DYNC2H1: variants seen among roughly 807,000 people sequenced by gnomAD.
DYNC2H1 encodes cytoplasmic dynein 2 heavy chain 1.
Under a neutral mutation model 570.0 loss-of-function variants are expected in DYNC2H1, and 410 were observed. The observed-to-expected ratio is 0.72, with a 90% CI of 0.66 to 0.78. DYNC2H1 has a LOEUF of 0.78. Ranked by LOEUF, DYNC2H1 falls within the 30% of genes least tolerant of loss-of-function variation. The pLI, the probability that DYNC2H1 is intolerant of heterozygous loss-of-function variation, is 0.00. For synonymous variants in DYNC2H1, 1,688 were observed against 1,677.6 expected, an observed-to-expected ratio of 1.01 and a Z score of -0.15; for missense variants, 4,865 against 5,046.4, an observed-to-expected ratio of 0.96 and a Z score of 1.09.
rs1339583005 is a variant in DYNC2H1, at chr11:103,245,317, A to G, written c.9985A>G (p.Met3329Val). ...RFGKTLIIQEMDGVEPVLYPL... is the reference protein window; with the variant it reads ...RFGKTLIIQEVDGVEPVLYPL... ...TGGGAAAACCCTTATTATACAAGAG[A>G]TGGATGGTGTAGAACCTGTTCTTTA... is the stretch of plus-strand genomic sequence containing the variant. Residue 3329 changes from methionine (M) to valine (V), a missense_variant, in exon 65 of 89, where the codon ATG becomes GTG. Physicochemically the swap from Met to Val is conservative, Grantham distance 21 (BLOSUM62 1). Around this residue, in one of 5 missense-constraint regions of DYNC2H1, gnomAD observed 2,401 missense variants for 2,454.6 expected, o/e 0.98. Coordinates refer to ENST00000375735, the MANE Select transcript of DYNC2H1 (RefSeq NM_001377.3). The surrounding 1 kb of genome is among the most constrained non-coding windows in gnomAD (Gnocchi z 4.5). The G allele has an allele frequency of 8.9e-6, 14 of 1,571,574 alleles. No homozygotes were observed. The Middle Eastern group carries it at 1.7e-3, about 187-fold the overall frequency.
intron 79 of DYNC2H1, among the ~76,000 whole-genome samples, chr11:103,313,997 A>G (rs1467129222): frequency 6.6e-6 from 1 of 152,174 alleles, no homozygotes; most frequent in Non-Finnish European, 1.5e-5. Flanking sequence ...ATATCAATTA[A>G]TCCTGAAGGA....
intron 75 of DYNC2H1, among the ~76,000 whole-genome samples, chr11:103,300,695 G>A (rs1279031631): frequency 6.6e-6 from 1 of 151,914 alleles, no homozygotes; most frequent in Non-Finnish European, 1.5e-5. Flanking sequence ...TTTATATCCT[G>A]TGGGATTTTA....
Position 103,117,723 on chromosome 11 carries a change from G to A in DYNC2H1, c.859G>A (p.Gly287Ser). Residue 287 changes from glycine (G) to serine (S), a missense_variant, in exon 6 of 89, where the codon GGT becomes AGT. This residue lies in a region of DYNC2H1 where 1,936 missense variants were observed against 1,962.1 expected (regional missense o/e 0.99). Transcript: ENST00000375735. ...YYLVKESLKAGISICEQWVIV... is the reference protein window; with the variant it reads ...YYLVKESLKASISICEQWVIV... ...TCTTGTGAAAGAAAGTCTGAAAGCT[G>A]GTATTTCAATTTGTGAACAGTGGGT... is the stretch of plus-strand genomic sequence containing the variant. 1 of 1,612,976 alleles carries A rather than the reference G, an allele frequency of 6.2e-7. No homozygotes were observed. Among genetic ancestry groups the A allele is most frequent in the Non-Finnish European group, 8.5e-7 (1 of 1,179,230 alleles).
At chr11:103,396,190 A>G (rs1376386569) in intron 83 of DYNC2H1, among the ~76,000 whole-genome samples, 5 of 152,208 alleles carry the variant, frequency 3.3e-5, no homozygotes, top group African/African-American at 1.2e-4. Flanking sequence ...TGAGTCACAT[A>G]TCTGAGAAGG....
intron 87 of DYNC2H1, among the ~76,000 whole-genome samples, chr11:103,467,442 C>G (rs1033892996): frequency 6.6e-6 from 1 of 152,168 alleles, no homozygotes; most frequent in African/African-American, 2.4e-5. Context: ...TTCACTCTTC[C>G]AATTTAGTGT....
chr11:103,378,832 C>A (rs148942815), intron 83 of DYNC2H1, among the ~76,000 whole-genome samples: 1 of 152,134 alleles, frequency 6.6e-6, no homozygotes, highest in Non-Finnish European at 1.5e-5. Context: ...GAAAATATTA[C>A]TCATTGGTCT....
rs577659251 is a variant in DYNC2H1, at chr11:103,472,373, A to G, written c.12765+3668A>G. On this transcript the variant is annotated intron_variant, in intron 88 of 88. Transcript: ENST00000375735. The surrounding 1 kb of genome is among the most constrained non-coding windows in gnomAD (Gnocchi z 4.1). ...GACCCCATCTTTATTAAATAAAAAA[A>G]GAATTAAAAAAATTTTTTTTAAAGA... is the stretch of plus-strand genomic sequence containing the variant. 9.6e-3 allele frequency among the ~76,000 whole-genome samples: 226 copies of G among 23,628 alleles called. No individual in the cohort carries two copies. Among genetic ancestry groups the G allele is most frequent in the African/African-American group, 0.019 (216 of 11,158 alleles). The allele number at this position is 23,628 out of a possible 152,430, so 15.5% of individuals were successfully genotyped here. A position where few individuals can be genotyped will look rare whatever the true frequency, so the allele number is the denominator to read the frequency against.
chr11:103,364,439 G>A lies in DYNC2H1; in HGVS notation c.12156+6080G>A, dbSNP rs1940797762. Among the ~76,000 whole-genome samples the A allele has an allele frequency of 2.6e-5, 4 of 151,950 alleles. No individual in the cohort carries two copies. In the South Asian group the frequency reaches 8.3e-4, roughly 32 times the overall value. ...TGGCTGCTTTACAGTCCTTGTTCAA[G>A]AATCCCAACTTCTGTGTCATGTTGG... On this transcript the variant is annotated intron_variant, in intron 83 of 88. Coordinates refer to ENST00000375735, the MANE Select transcript of DYNC2H1 (RefSeq NM_001377.3).
At chr11:103,411,036 C>G (rs1168006149) in intron 84 of DYNC2H1, among the ~76,000 whole-genome samples, 1 of 151,306 alleles carries the variant, frequency 6.6e-6, no homozygotes, top group Admixed American at 6.6e-5. Context: ...GTGTAAAGAC[C>G]AGGACCAAAC....
chr11:103,428,309 G>GGT (rs58462895), intron 84 of DYNC2H1, among the ~76,000 whole-genome samples: 2 of 150,956 alleles, frequency 1.3e-5, no homozygotes, highest in African/African-American at 2.4e-5. Context: ...ACCTACCATG[G>GGT]TCTATATCAT....
Position 103,157,412 on chromosome 11 carries a change from T to A in DYNC2H1, c.4127+642T>A, listed in dbSNP as rs1385393306. On this transcript the variant is annotated intron_variant, in intron 26 of 88. Transcript: ENST00000375735. This position sits in a 1 kb window ranked among gnomAD's most constrained non-coding sequence, Gnocchi z 4.2. ...GTAGGCTAAAACTGAATCCATGAGC[T>A]TAATTTACCAGTTCCTTTCCAACAA... Among the ~76,000 whole-genome samples, 1 of 152,268 alleles carries A rather than the reference T, an allele frequency of 6.6e-6. No individual in the cohort carries two copies. Among genetic ancestry groups the A allele is most frequent in the Non-Finnish European group, 1.5e-5 (1 of 68,042 alleles).
intron 11 of DYNC2H1, 131 bp from the exon 12 acceptor site, chr11:103,124,968 GC>G (rs1463978895): frequency 2.3e-5 from 14 of 618,538 alleles, no homozygotes; most frequent in Non-Finnish European, 3.1e-5. Flanking sequence ...CAACTTAAAA[GC>G]TATAATTAAA....
At chr11:103,380,075 T>G (rs997030555) in intron 83 of DYNC2H1, among the ~76,000 whole-genome samples, 1 of 152,212 alleles carries the variant, frequency 6.6e-6, no homozygotes, top group Non-Finnish European at 1.5e-5. Context: ...CTAGCTAAAC[T>G]TAATAGAATA....
Position 103,189,680 on chromosome 11 carries a change from A to T in DYNC2H1, c.7301A>T (p.Glu2434Val). The T allele has an allele frequency of 6.2e-7, 1 of 1,612,606 alleles. No individual in the cohort carries two copies. The highest frequency in any genetic ancestry group is 8.5e-7 in the Non-Finnish European group (1 of 1,179,268). ...TATGCCATTTTTTTTAGTTACCCAG[A>T]AAGAGAGCAGTTACAAACGATTTAT... ...IVRLCSIDYP[E>V]REQLQTIYGA... Residue 2434 changes from glutamate to valine, a missense_variant, in exon 45 of 89, where the codon GAA becomes GTA. Physicochemically the swap from Glu to Val is moderately radical, Grantham distance 121. Coordinates refer to ENST00000375735, the MANE Select transcript of DYNC2H1 (RefSeq NM_001377.3). The surrounding 1 kb of genome is among the most constrained non-coding windows in gnomAD (Gnocchi z 4.3).
Position 103,231,352 on chromosome 11 carries a change from T to C in DYNC2H1, c.9440+6T>C, listed in dbSNP as rs1285178808. The C allele has an allele frequency of 1.9e-6, 3 of 1,579,456 alleles. No homozygotes were observed. The East Asian group carries it at 6.8e-5, about 36-fold the overall frequency. On this transcript the variant is annotated splice_donor_region_variant and intron_variant, in intron 60 of 88. Coordinates refer to ENST00000375735, the MANE Select transcript of DYNC2H1 (RefSeq NM_001377.3). ...GTATCAGAACTCAAAGAAAAGTAAG[T>C]TATATTTTGAAGTGTATTTTGGATA...
intron 76 of DYNC2H1, among the ~76,000 whole-genome samples, chr11:103,304,050 A>T (rs916194018): frequency 6.6e-6 from 1 of 151,586 alleles, no homozygotes; most frequent in Non-Finnish European, 1.5e-5. Context: ...TTCAATTTGC[A>T]TGTAAATTTG....
chr11:103,240,612 A>G (rs992531157), intron 63 of DYNC2H1, among the ~76,000 whole-genome samples: 1 of 152,050 alleles, frequency 6.6e-6, no homozygotes, highest in Non-Finnish European at 1.5e-5. Flanking sequence ...TCTATTTCTC[A>G]AATATCTCAT....
At chr11:103,373,831 TCTA>T (rs1425118992) in intron 83 of DYNC2H1, among the ~76,000 whole-genome samples, 1 of 152,196 alleles carries the variant, frequency 6.6e-6, no homozygotes, top group Non-Finnish European at 1.5e-5. Context: ...TCCTTGTAGA[TCTA>T]ATAATATGTG....
chr11:103,272,036 C>A (rs1229861570), intron 70 of DYNC2H1, among the ~76,000 whole-genome samples: 4 of 152,176 alleles, frequency 2.6e-5, no homozygotes, highest in Admixed American at 1.3e-4. Context: ...GGATCTAGAA[C>A]TAGAAATACC....
Sources: gnomAD v4.1 joint callset for allele counts (sites outside exome capture counted in the v4.1 genomes callset) on GRCh38, gnomAD v4.1.1 for gene constraint, gnomAD v4.1.1 regional missense constraint, Gnocchi (gnomAD v3.1) non-coding constraint, MANE v1.5 for transcripts, NCBI Gene and HGNC (gene_info 2026-07-23, HGNC 2026-07-21) for gene names.